Variants in TREML2 observed in about 807,000 individuals in gnomAD.
The protein encoded by TREML2 is triggering receptor expressed on myeloid cells like 2.
TREML2 carries 24 observed loss-of-function variants against 25.9 expected under a neutral mutation model. The observed-to-expected ratio is 0.93, with a 90% CI of 0.67 to 1.30. The LOEUF (loss-of-function observed/expected upper bound fraction) is 1.30, where lower values mean the gene tolerates loss of function less well. Among genes scored for constraint, TREML2 ranks in the 50% most tolerant of loss-of-function variants. The pLI is 0.00. For missense variants in TREML2, 359 were observed against 395.6 expected, an observed-to-expected ratio of 0.91 and a Z score of 0.78; for synonymous variants, 139 against 155.2, an observed-to-expected ratio of 0.90 and a Z score of 0.77.
chr6:41,198,845 T>TTTTTG (rs140165117), intron 1 of TREML2, among the ~76,000 whole-genome samples: 2,024 of 150,794 alleles, frequency 0.013, 28 homozygotes, highest in African/African-American at 0.024. Flanking sequence ...AGGGAATTCA[T>TTTTTG]TTTTGTTTTG....
At chr6:41,192,543 C>G (rs770694132) in intron 4 of TREML2, 37 bp from the exon 5 acceptor site, 11 of 1,596,412 alleles carry the variant, frequency 6.9e-6, no homozygotes, top group Middle Eastern at 3.3e-4. Context: ...AGTGTCCTGC[C>G]CTGCCCACGG....
rs78601301 is a variant in TREML2 at position 41,195,246 on chromosome 6, G to A, written c.377-413C>T. Among the ~76,000 whole-genome samples the A allele has an allele frequency of 4.4e-3, 668 of 152,280 alleles. 7 individuals are homozygous for A. The highest frequency in any genetic ancestry group is 0.015 in the African/African-American group (641 of 41,554). Reference sequence around the variant, plus strand: ...TAGGGTCCAGAGATGAGGACAAGGAGGCATCAAGGTCCTCAAATTCCAAAG... The same window carrying A: ...TAGGGTCCAGAGATGAGGACAAGGAAGCATCAAGGTCCTCAAATTCCAAAG... On this transcript the variant is annotated intron_variant, in intron 2 of 4. Coordinates refer to ENST00000483722, the MANE Select transcript of TREML2 (RefSeq NM_024807.4).
At chr6:41,192,979 G>T in intron 3 of TREML2, 78 bp from the exon 4 acceptor site, 1 of 1,229,738 alleles carries the variant, frequency 8.1e-7, no homozygotes, top group Non-Finnish European at 1.1e-6. Context: ...CGGACCAGCA[G>T]CAGAAACCCT....
Position 41,194,621 on chromosome 6 carries a change from T to A in TREML2, c.589A>T (p.Thr197Ser). The change falls in exon 3 of 5, where the codon ACC becomes TCC. Residue 197 changes from threonine to serine, a missense_variant. By Grantham distance (58) the Thr-to-Ser change is moderately conservative. Coordinates refer to ENST00000483722, the MANE Select transcript of TREML2 (RefSeq NM_024807.4). ...KTGYSFTATSTTSQGPRRTMG... is the reference protein window; with the variant it reads ...KTGYSFTATSSTSQGPRRTMG... ...GTCCTCCTGGGTCCCTGGCTGGTGG[T>A]GCTGGTAGCAGTGAAGCTGTAGCCT... 6.2e-7 allele frequency: 1 copy of A among 1,614,004 alleles called. No individual in the cohort carries two copies. The highest frequency in any genetic ancestry group is 1.1e-5 in the South Asian group (1 of 91,068).
At chr6:41,200,916 C>T in intron 1 of TREML2, 38 bp downstream of exon 1, 1 of 1,498,280 alleles carries the variant, frequency 6.7e-7, no homozygotes, top group Non-Finnish European at 8.9e-7. Context: ...CCTCTGTACC[C>T]ACTCCCTCCT....
rs188842208 is a variant in TREML2 at position 41,189,982 on chromosome 6, C to T, written c.*2445G>A. On this transcript the variant is annotated 3_prime_UTR_variant, in exon 5 of 5. Coordinates refer to ENST00000483722, the MANE Select transcript of TREML2 (RefSeq NM_024807.4). ...ACTTACTCCATATTGCTTTGTTCCC[C>T]TTACTGCACATGTCAGGGGATGAAA... Among the ~76,000 whole-genome samples the T allele has an allele frequency of 5.5e-3, 832 of 152,244 alleles. 7 individuals carry two copies. The highest frequency in any genetic ancestry group is 8.8e-3 in the Non-Finnish European group (600 of 68,016).
chr6:41,192,146 G>A lies in TREML2; in HGVS notation c.*281C>T, dbSNP rs952151051. 1 of 445,392 alleles carries A rather than the reference G, an allele frequency of 2.2e-6. No homozygotes were observed. Among genetic ancestry groups the A allele is most frequent in the Non-Finnish European group, 4.2e-6 (1 of 240,474 alleles). The allele number at this position is 445,392 out of a possible 1,614,324, so 27.6% of individuals were successfully genotyped here. A position where few individuals can be genotyped will look rare whatever the true frequency, so the allele number is the denominator to read the frequency against. Reference sequence around the variant, plus strand: ...CCCCTGCCTCCACCAAGAGCCCTGGGGTCTGCAGCTCCGAGCAGAAACCAC... The same window carrying A: ...CCCCTGCCTCCACCAAGAGCCCTGGAGTCTGCAGCTCCGAGCAGAAACCAC... On this transcript the variant is annotated 3_prime_UTR_variant, in exon 5 of 5. Coordinates refer to ENST00000483722, the MANE Select transcript of TREML2 (RefSeq NM_024807.4).
rs556690524 is a variant in TREML2, at chr6:41,201,052, G to A, written c.-44C>T. The A allele has an allele frequency of 1.6e-5, 26 of 1,609,198 alleles. No homozygotes were observed. In the African/African-American group the frequency reaches 3.2e-4, roughly 20 times the overall value. On this transcript the variant is annotated 5_prime_UTR_variant, in exon 1 of 5. Coordinates refer to ENST00000483722, the MANE Select transcript of TREML2 (RefSeq NM_024807.4). ...AGTGTCAGGCCTGGAGATCCAAGGT[G>A]AGGGCCCACCCGACACAGGATGTGC... is the stretch of plus-strand genomic sequence containing the variant.
intron 1 of TREML2, among the ~76,000 whole-genome samples, chr6:41,199,442 A>G (rs1235986039): frequency 6.6e-6 from 1 of 152,244 alleles, no homozygotes; most frequent in East Asian, 1.9e-4. Flanking sequence ...CTAAATATAC[A>G]TGTAAACAAA....
At chr6:41,198,532 C>T in intron 1 of TREML2, 103 bp from the exon 2 acceptor site, 1 of 1,252,020 alleles carries the variant, frequency 8.0e-7, no homozygotes, top group Non-Finnish European at 1.1e-6. Context: ...TATTGTCCTG[C>T]TGTCACAGAA....
intron 3 of TREML2, among the ~76,000 whole-genome samples, chr6:41,193,273 G>C (rs1766099937): frequency 6.6e-6 from 1 of 152,046 alleles, no homozygotes; most frequent in Admixed American, 6.6e-5. Context: ...AGATGCTGTC[G>C]GGCCCCTGCC....
chr6:41,192,617 C>T (rs1359857550), intron 4 of TREML2, 111 bp from the exon 5 acceptor site: 10 of 1,260,158 alleles, frequency 7.9e-6, no homozygotes, highest in South Asian at 2.5e-5. Flanking sequence ...CCTTCCAGGT[C>T]ATCCCCTTAG....
rs987787498 is a variant in TREML2 at position 41,189,842 on chromosome 6, G to T, written c.*2585C>A. ...AGGGTTGCCATTTTTACAGTTGAAT[G>T]TAAAGGCTTTTATAAGAAACCGATG... On this transcript the variant is annotated 3_prime_UTR_variant, in exon 5 of 5. Coordinates refer to ENST00000483722, the MANE Select transcript of TREML2 (RefSeq NM_024807.4). 6.6e-6 allele frequency among the ~76,000 whole-genome samples: 1 copy of T among 152,228 alleles called. No individual in the cohort carries two copies. The highest frequency in any genetic ancestry group is 2.1e-4 in the South Asian group (1 of 4,836).
rs926335636 is a variant in TREML2, at chr6:41,190,459, T to C, written c.*1968A>G. The C allele has an allele frequency of 6.6e-6, 1 of 152,166 alleles. No homozygotes were observed. The highest frequency in any genetic ancestry group is 1.5e-5 in the Non-Finnish European group (1 of 68,032). The allele number at this position is 152,166 out of a possible 1,614,324, so 9.4% of individuals were successfully genotyped here. ...AACAACATTAGAGCTGGAAAACAACTTAAGGAATAATGGTAATGAGGCATT... is the reference window on the plus strand; with the variant it reads ...AACAACATTAGAGCTGGAAAACAACCTAAGGAATAATGGTAATGAGGCATT... On this transcript the variant is annotated 3_prime_UTR_variant, in exon 5 of 5. Transcript: ENST00000483722.
chr6:41,194,607 TC>T lies in TREML2; in HGVS notation c.602del (p.Gly201AspfsTer11). 1.2e-6 allele frequency: 2 copies of T among 1,614,014 alleles called. No individual in the cohort carries two copies. The highest frequency in any genetic ancestry group is 1.7e-6 in the Non-Finnish European group (2 of 1,179,996). ...SFTATSTTSQ[G>X]PRRTMGSQTV... Reference sequence around the variant, plus strand: ...TCTGGGACCCCATGGTCCTCCTGGGTCCCTGGCTGGTGGTGCTGGTAGCAGT... The same window carrying T: ...TCTGGGACCCCATGGTCCTCCTGGGTCCTGGCTGGTGGTGCTGGTAGCAGT... On this transcript the variant is annotated frameshift_variant, in exon 3 of 5. Transcript: ENST00000483722. LOFTEE classifies it high-confidence loss of function.
At chr6:41,196,497 T>C (rs944070764) in intron 2 of TREML2, among the ~76,000 whole-genome samples, 16 of 152,210 alleles carry the variant, frequency 1.1e-4, no homozygotes, top group African/African-American at 3.1e-4. Context: ...CACTCTTTTT[T>C]GCCTACACTC....
intron 2 of TREML2, among the ~76,000 whole-genome samples, chr6:41,197,775 G>A (rs190976574): frequency 6.6e-6 from 1 of 152,154 alleles, no homozygotes; most frequent in African/African-American, 2.4e-5. Flanking sequence ...CTAGAATAGT[G>A]CCTGCCCCAT....
intron 3 of TREML2, 135 bp downstream of exon 3, chr6:41,194,290 C>T: frequency 1.2e-6 from 1 of 866,048 alleles, no homozygotes; most frequent in Non-Finnish European, 1.7e-6. Flanking sequence ...CTTCCAGTCC[C>T]CCACCTCACA....
Position 41,201,128 on chromosome 6 carries a change from A to G in TREML2, c.-120T>C, listed in dbSNP as rs763324212. ...CGGGGTTCTAAAAGTGAAGCTGCCC[A>G]TTTAGGGAAGTGAGGCAGTGTGGGA... On this transcript the variant is annotated 5_prime_UTR_variant, in exon 1 of 5. It removes an upstream start codon present in the reference 5' UTR. Transcript: ENST00000483722. The G allele has an allele frequency of 3.6e-5, 43 of 1,188,322 alleles. No homozygotes were observed. Among genetic ancestry groups the G allele is most frequent in the Non-Finnish European group, 5.3e-5 (42 of 792,942 alleles). 73.6% of individuals were successfully genotyped at this position (1,188,322 alleles called of 1,614,324 possible). A position where few individuals can be genotyped will look rare whatever the true frequency, so the allele number is the denominator to read the frequency against.
Sources: allele counts gnomAD v4.1 joint callset (sites outside exome capture counted in the v4.1 genomes callset), GRCh38; gene constraint gnomAD v4.1.1; transcripts MANE v1.5; gene names NCBI Gene and HGNC (gene_info 2026-07-23, HGNC 2026-07-21).